Variants in APOL1 observed in about 807,000 individuals in gnomAD.
APOL1 encodes the protein apolipoprotein L1.
In APOL1, 17 loss-of-function variants were observed where a neutral mutation model predicts 14.9. The ratio of observed to expected loss-of-function variants is 1.14; its 90% CI spans 0.78 to 1.71. APOL1 has a LOEUF of 1.71. Ranked by LOEUF, APOL1 falls within the 40% of genes most tolerant of loss-of-function variation. APOL1 has a pLI of 0.00. For synonymous variants in APOL1, 195 were observed against 184.8 expected, an observed-to-expected ratio of 1.05 and a Z score of -0.45; for missense variants, 523 against 485.9, an observed-to-expected ratio of 1.08 and a Z score of -0.72.
rs374427859 is a variant in APOL1 at position 36,265,151 on chromosome 22, G to C, written c.315G>C (p.Arg105Ser). 31 of 1,613,828 alleles carry C rather than the reference G, an allele frequency of 1.9e-5. 1 individual carries two copies. Among genetic ancestry groups the C allele is most frequent in the Non-Finnish European group, 1.9e-5 (23 of 1,179,990 alleles). ...AATCCTTTAACCTTTCCTTGTGCAG[G>C]AATGAGGCAGATGAGCTCCGTAAAG... ...NGFVAAAELP[R>S]NEADELRKAL... Residue 105 changes from arginine to serine, a missense_variant and splice_region_variant, in exon 6 of 6, where the codon AGG becomes AGC. Physicochemically the swap from Arg to Ser is moderately radical, Grantham distance 110 (BLOSUM62 -1). Transcript: ENST00000397278.
At chr22:36,254,869 A>AG (rs1452299436) in intron 1 of APOL1, 68 bp from the exon 2 acceptor site, 1 of 1,598,972 alleles carries the variant, frequency 6.3e-7, no homozygotes, top group African/African-American at 1.3e-5. Context: ...TTTCAAAAAA[A>AG]AAATGAAATG....
chr22:36,254,953 G>C lies in APOL1; in HGVS notation c.-3G>C. 6.2e-7 allele frequency: 1 copy of C among 1,614,050 alleles called. No homozygotes were observed. The highest frequency in any genetic ancestry group is 2.2e-5 in the East Asian group (1 of 44,880). On this transcript the variant is annotated 5_prime_UTR_variant, in exon 2 of 6. Transcript: ENST00000397278. ...CTGCTCAAGGAGGAGGCCCTGCAGCGACATGGAGGGAGCTGCTTTGCTGAG... is the reference window on the plus strand; with the variant it reads ...CTGCTCAAGGAGGAGGCCCTGCAGCCACATGGAGGGAGCTGCTTTGCTGAG...
At position 36,261,620 on chromosome 22, in the gene APOL1, C is replaced by T. The variant is rs779899888; in HGVS notation, c.212C>T (p.Ala71Val). 27 of 1,613,486 alleles carry T rather than the reference C, an allele frequency of 1.7e-5. No homozygotes were observed. The South Asian group carries it at 3.0e-4, about 18-fold the overall frequency. The change falls in exon 5 of 6, where the codon GCC (alanine) becomes GTC (valine). Residue 71 changes from alanine to valine, a missense_variant. Transcript: ENST00000397278. The part of the protein sequence containing the change: ...DPESSIFIED[A>V]IKYFKEKVST... The stretch of plus-strand genomic sequence containing the variant: ...GAGAGCAGTATCTTTATTGAGGATG[C>T]CATTAAGTATTTCAAGGAAAAAGTG...
chr22:36,265,428 C>T lies in APOL1; in HGVS notation c.592C>T (p.Pro198Ser). The change falls in exon 6 of 6, where the codon CCC (proline) becomes TCC (serine). Residue 198 changes from proline to serine, a missense_variant. Coordinates refer to ENST00000397278, the MANE Select transcript of APOL1 (RefSeq NM_003661.4). The part of the protein sequence containing the change: ...ILTLVGMGLA[P>S]FTEGGSLVLL... ...GACCCTCGTCGGCATGGGTCTGGCACCCTTCACAGAGGGAGGCAGCCTTGT... is the reference window on the plus strand; with the variant it reads ...GACCCTCGTCGGCATGGGTCTGGCATCCTTCACAGAGGGAGGCAGCCTTGT... The T allele has an allele frequency of 1.2e-6, 2 of 1,614,134 alleles. No individual in the cohort carries two copies. The highest frequency in any genetic ancestry group is 1.7e-6 in the Non-Finnish European group (2 of 1,180,030).
At chr22:36,257,548 G>A (rs1053260413) in intron 4 of APOL1, 141 bp downstream of exon 4, 10 of 869,050 alleles carry the variant, frequency 1.2e-5, no homozygotes, top group Admixed American at 3.8e-5. Context: ...AAGAGGTCAC[G>A]TGGAGTCCCC....
intron 5 of APOL1, 51 bp downstream of exon 5, chr22:36,261,773 C>T: frequency 3.2e-6 from 5 of 1,583,468 alleles, no homozygotes; most frequent in Non-Finnish European, 4.3e-6. Context: ...TGCCACCCAG[C>T]TCTCCCCTGG....
At chr22:36,264,015 A>T (rs2016154507) in intron 5 of APOL1, among the ~76,000 whole-genome samples, 1 of 152,144 alleles carries the variant, frequency 6.6e-6, no homozygotes, top group Non-Finnish European at 1.5e-5. Flanking sequence ...ACTTGGGGAG[A>T]TTCTTGCTGA....
chr22:36,256,450 C>A (rs2015881682), intron 2 of APOL1, among the ~76,000 whole-genome samples: 1 of 152,178 alleles, frequency 6.6e-6, no homozygotes, highest in Admixed American at 6.5e-5. Context: ...TAGAAACACC[C>A]TGAGGTCCAT....
intron 4 of APOL1, among the ~76,000 whole-genome samples, chr22:36,259,233 A>T (rs1284636504): frequency 3.3e-5 from 5 of 152,186 alleles, no homozygotes; most frequent in South Asian, 2.1e-4. Flanking sequence ...GGAATGTTTC[A>T]GGGCTGGTTT....
chr22:36,265,745 C>A lies in APOL1; in HGVS notation c.909C>A (p.Arg303=), dbSNP rs141788376. 1.4e-5 allele frequency: 22 copies of A among 1,614,086 alleles called. No homozygotes were observed. Among genetic ancestry groups the A allele is most frequent in the Non-Finnish European group, 1.9e-5 (22 of 1,179,990 alleles). The change falls in exon 6 of 6, where the codon CGC becomes CGA. Residue 303 remains arginine (R), a synonymous_variant. Coordinates refer to ENST00000397278, the MANE Select transcript of APOL1 (RefSeq NM_003661.4). Reference sequence around the variant, plus strand: ...CAGTACCGCATGCCTCAGCCTCACGCCCCCGGGTCACTGAGCCAATCTCAG... The same window carrying A: ...CAGTACCGCATGCCTCAGCCTCACGACCCCGGGTCACTGAGCCAATCTCAG... ...LQSVPHASAS[R]PRVTEPISAE...
chr22:36,254,828 A>G lies in APOL1; in HGVS notation c.-19-109A>G, dbSNP rs572247941. 1.8e-4 allele frequency: 257 copies of G among 1,431,128 alleles called. 1 individual carries two copies. In the Middle Eastern group the frequency reaches 2.5e-3, roughly 14 times the overall value. The allele number at this position is 1,431,128 out of a possible 1,614,324, so 88.7% of individuals were successfully genotyped here. ...TAGCGAGCCTAGATCGCCCCACTGC[A>G]CTCCAGCCTGGGTGATAGAGCGAGA... is the stretch of plus-strand genomic sequence containing the variant. On this transcript the variant is annotated intron_variant, in intron 1 of 5. Transcript: ENST00000397278.
intron 5 of APOL1, among the ~76,000 whole-genome samples, chr22:36,262,570 G>A (rs2016110768): frequency 1.3e-5 from 2 of 152,202 alleles, no homozygotes; most frequent in Admixed American, 1.3e-4. Context: ...GTCAGCCTTG[G>A]TTGTAGGACA....
At chr22:36,259,572 G>C (rs1171490463) in intron 4 of APOL1, 3 of 1,216,562 alleles carry the variant, frequency 2.5e-6, no homozygotes, top group African/African-American at 3.2e-5. Flanking sequence ...GAAGCCGAGA[G>C]CACTCAGCCG....
Position 36,265,996 on chromosome 22 carries a change from A to G in APOL1, c.1160A>G (p.Asn387Ser), listed in dbSNP as rs2016247799. ...ELEEKLNILN[N>S]NYKILQADQE... ...GAGGAGAAGCTAAACATTCTCAACA[A>G]TAATTATAAGATTCTGCAGGCGGAC... Residue 387 changes from asparagine to serine, a missense_variant, in exon 6 of 6, where the codon AAT (asparagine) becomes AGT (serine). Physicochemically the swap from Asn to Ser is conservative, Grantham distance 46 (BLOSUM62 1). Coordinates refer to ENST00000397278, the MANE Select transcript of APOL1 (RefSeq NM_003661.4). 4 of 1,591,842 alleles carry G rather than the reference A, an allele frequency of 2.5e-6. No individual in the cohort carries two copies. In the African/African-American group the frequency reaches 5.4e-5, roughly 21 times the overall value.
intron 5 of APOL1, 75 bp downstream of exon 5, chr22:36,261,797 G>A (rs768966513): frequency 8.5e-6 from 13 of 1,537,982 alleles, no homozygotes; most frequent in Non-Finnish European, 1.1e-5. Context: ...AGTTTTCCCT[G>A]ACAGGCACAC....
rs764713348 is a variant in APOL1 at position 36,261,674 on chromosome 22, C to T, written c.266C>T (p.Thr89Ile). Residue 89 changes from threonine to isoleucine, a missense_variant, in exon 5 of 6, where the codon ACT (threonine) becomes ATT (isoleucine). Coordinates refer to ENST00000397278, the MANE Select transcript of APOL1 (RefSeq NM_003661.4). ...VSTQNLLLLLTDNEAWNGFVA... is the reference protein window; with the variant it reads ...VSTQNLLLLLIDNEAWNGFVA... ...ACACAGAATCTGCTACTCCTGCTGA[C>T]TGATAATGAGGCCTGGAACGGATTC... The T allele has an allele frequency of 1.2e-6, 2 of 1,614,052 alleles. No individual in the cohort carries two copies. The highest frequency in any genetic ancestry group is 1.7e-5 in the Admixed American group (1 of 60,008).
At chr22:36,259,559 T>C in intron 4 of APOL1, 1 of 1,207,174 alleles carries the variant, frequency 8.3e-7, no homozygotes, top group Non-Finnish European at 1.1e-6. Context: ...GCAGGGAAGA[T>C]TAGAAGCCGA....
chr22:36,256,218 C>T (rs1393302180), intron 2 of APOL1, among the ~76,000 whole-genome samples: 1 of 152,074 alleles, frequency 6.6e-6, no homozygotes, highest in Admixed American at 6.5e-5. Context: ...TACTGAGAGC[C>T]AGTAAGACTG....
chr22:36,264,665 A>G (rs2016174698), intron 5 of APOL1, among the ~76,000 whole-genome samples: 1 of 152,214 alleles, frequency 6.6e-6, no homozygotes, highest in Non-Finnish European at 1.5e-5. Context: ...AGGAGTATCT[A>G]TGATGAACAA....
Sources: allele counts gnomAD v4.1 joint callset (sites outside exome capture counted in the v4.1 genomes callset), GRCh38; gene constraint gnomAD v4.1.1; transcripts MANE v1.5; gene names NCBI Gene and HGNC (gene_info 2026-07-23, HGNC 2026-07-21).